Variants in KCND2 observed in about 807,000 individuals in gnomAD.
KCND2 encodes A-type voltage-gated potassium channel KCND2.
Under a neutral mutation model 54.4 loss-of-function variants are expected in KCND2, and 16 were observed. The ratio of observed to expected loss-of-function variants is 0.29; its 90% CI spans 0.20 to 0.45. The LOEUF (loss-of-function observed/expected upper bound fraction) is 0.45, where lower values mean the gene tolerates loss of function less well. KCND2 is among the 20% of genes least tolerant of loss of function. The probability of loss-of-function intolerance (pLI) is 1.00; values close to 1 mark genes in which losing one functional copy is unlikely to be tolerated. For missense variants in KCND2, 486 were observed against 824.2 expected (o/e 0.59, Z 5.02); for synonymous variants, 317 against 310.7 (o/e 1.02, Z -0.21).
At position 120,492,190 on chromosome 7, in the gene KCND2, A is replaced by AAC. The variant is rs965578431; in HGVS notation, c.1115+216455_1115+216456dup. Among the ~76,000 whole-genome samples, 8 of 152,018 alleles carry AAC rather than the reference A, an allele frequency of 5.3e-5. No homozygotes were observed. The South Asian group carries it at 1.2e-3, about 24-fold the overall frequency. ...GGAATGAGAAACTAGTAAAAAGTGA[A>AAC]ACACACACACACAAGTCTATGTTCT... On this transcript the variant is annotated intron_variant, in intron 1 of 5. Coordinates refer to ENST00000331113, the MANE Select transcript of KCND2 (RefSeq NM_012281.3).
intron 1 of KCND2, among the ~76,000 whole-genome samples, chr7:120,327,754 CTT>C (rs368965454): frequency 1.4e-5 from 2 of 143,912 alleles, no homozygotes; most frequent in Non-Finnish European, 1.5e-5. Context: ...CAGAAGTTGC[CTT>C]TTTTTTTTTA....
chr7:120,581,859 G>C (rs117581826), intron 1 of KCND2, among the ~76,000 whole-genome samples: 6,793 of 152,004 alleles, frequency 0.045, 255 homozygotes, highest in Non-Finnish European at 0.065. Flanking sequence ...TTACAGACAT[G>C]CACCACCAAA....
chr7:120,728,273 G>GTTC (rs1357961054), intron 1 of KCND2, among the ~76,000 whole-genome samples: 6 of 149,158 alleles, frequency 4.0e-5, no homozygotes, highest in Non-Finnish European at 8.9e-5. Context: ...CTCTTGTTTC[G>GTTC]TTCTTCTTCT....
At chr7:120,605,791 T>G (rs1170065746) in intron 1 of KCND2, among the ~76,000 whole-genome samples, 3 of 152,196 alleles carry the variant, frequency 2.0e-5, no homozygotes, top group Non-Finnish European at 2.9e-5. Context: ...ATCACTGTGG[T>G]TTTGATATTC....
intron 1 of KCND2, among the ~76,000 whole-genome samples, chr7:120,616,316 G>A: frequency 6.6e-6 from 1 of 152,156 alleles, no homozygotes; most frequent in East Asian, 1.9e-4. Context: ...CAAAAAGGCT[G>A]TTATGAGGAT....
chr7:120,292,307 G>A (rs532326685), intron 1 of KCND2, among the ~76,000 whole-genome samples: 6 of 151,744 alleles, frequency 4.0e-5, no homozygotes, highest in Non-Finnish European at 7.4e-5. Context: ...TGCCCATGCT[G>A]TCTTTGTCCT....
chr7:120,444,883 G>A (rs1287178070), intron 1 of KCND2, among the ~76,000 whole-genome samples: 1 of 152,048 alleles, frequency 6.6e-6, no homozygotes, highest in Non-Finnish European at 1.5e-5. Flanking sequence ...AATTCATATG[G>A]TAAAATTAAC....
intron 1 of KCND2, among the ~76,000 whole-genome samples, chr7:120,562,949 A>G (rs1327495382): frequency 1.3e-5 from 2 of 152,152 alleles, no homozygotes; most frequent in Non-Finnish European, 2.9e-5. Flanking sequence ...ATTTTTTGAA[A>G]AGATATTTGG....
At chr7:120,286,579 A>G (rs1799348201) in intron 1 of KCND2, among the ~76,000 whole-genome samples, 1 of 152,048 alleles carries the variant, frequency 6.6e-6, no homozygotes, top group Admixed American at 6.6e-5. Context: ...GTAAGTCTCT[A>G]TCACATCAGT....
chr7:120,651,531 A>G (rs1791732984), intron 1 of KCND2, among the ~76,000 whole-genome samples: 1 of 152,168 alleles, frequency 6.6e-6, no homozygotes, highest in African/African-American at 2.4e-5. Flanking sequence ...TCCCTTGGCT[A>G]GGAAAGGGAA....
chr7:120,723,798 A>G (rs1281921188), intron 1 of KCND2, among the ~76,000 whole-genome samples: 1 of 152,194 alleles, frequency 6.6e-6, no homozygotes, highest in African/African-American at 2.4e-5. Flanking sequence ...TAAGTATGTG[A>G]CCATGGAAAA....
chr7:120,694,852 C>T (rs1179463404), intron 1 of KCND2, among the ~76,000 whole-genome samples: 4 of 152,140 alleles, frequency 2.6e-5, no homozygotes, highest in Admixed American at 6.5e-5. Flanking sequence ...TGTTTCTCTA[C>T]CTTTGCTCCA....
Position 120,640,016 on chromosome 7 carries a change from G to A in KCND2, c.1116-92887G>A, listed in dbSNP as rs139179430. Among the ~76,000 whole-genome samples, 372 of 152,090 alleles carry A rather than the reference G, an allele frequency of 2.4e-3. 1 individual carries two copies. Among genetic ancestry groups the A allele is most frequent in the African/African-American group, 8.3e-3 (346 of 41,504 alleles). On this transcript the variant is annotated intron_variant, in intron 1 of 5. Coordinates refer to ENST00000331113, the MANE Select transcript of KCND2 (RefSeq NM_012281.3). ...ATACCACTTCTGACACATCCATTCT[G>A]TAGACTTATAGATATTTTAAATGTA... is the stretch of plus-strand genomic sequence containing the variant.
At chr7:120,546,148 G>C (rs748484355) in intron 1 of KCND2, among the ~76,000 whole-genome samples, 2 of 151,804 alleles carry the variant, frequency 1.3e-5, no homozygotes, top group Non-Finnish European at 2.9e-5. Context: ...CCTGGTTTCT[G>C]TCTACCCCTC....
chr7:120,480,690 T>C (rs1214464369), intron 1 of KCND2, among the ~76,000 whole-genome samples: 2 of 152,294 alleles, frequency 1.3e-5, no homozygotes, highest in East Asian at 3.9e-4. Flanking sequence ...TTTTCCACCA[T>C]GGGATGACTC....
intron 1 of KCND2, among the ~76,000 whole-genome samples, chr7:120,276,638 T>G (rs978306304): frequency 6.6e-6 from 1 of 152,144 alleles, no homozygotes; most frequent in African/African-American, 2.4e-5. Flanking sequence ...GGGGGTATAA[T>G]GAAGTTCTGC....
At position 120,387,888 on chromosome 7, in the gene KCND2, A is replaced by G. The variant is rs577347646; in HGVS notation, c.1115+112141A>G. ...CTAATGAAGATTTTACAGTGTCTCT[A>G]GGTCATCATTCCAAACAAACACAAA... On this transcript the variant is annotated intron_variant, in intron 1 of 5. Coordinates refer to ENST00000331113, the MANE Select transcript of KCND2 (RefSeq NM_012281.3). Among the ~76,000 whole-genome samples, 129 of 152,192 alleles carry G rather than the reference A, an allele frequency of 8.5e-4. 1 individual carries two copies. In the South Asian group the frequency reaches 0.026, roughly 31 times the overall value.
chr7:120,514,525 C>G (rs1486872212), intron 1 of KCND2, among the ~76,000 whole-genome samples: 3 of 152,060 alleles, frequency 2.0e-5, no homozygotes, highest in African/African-American at 7.2e-5. Flanking sequence ...ATATCCCTAT[C>G]TAATATAAGT....
At chr7:120,690,570 A>G (rs993633004) in intron 1 of KCND2, among the ~76,000 whole-genome samples, 2 of 152,216 alleles carry the variant, frequency 1.3e-5, no homozygotes, top group Middle Eastern at 3.4e-3. Flanking sequence ...TTGCCTTCCC[A>G]TTCACCTGGT....
Sources: gnomAD v4.1 joint callset for allele counts (sites outside exome capture counted in the v4.1 genomes callset) on GRCh38, gnomAD v4.1.1 for gene constraint, MANE v1.5 for transcripts, NCBI Gene and HGNC (gene_info 2026-07-23, HGNC 2026-07-21) for gene names.